Variants in CPED1 observed in about 807,000 individuals in gnomAD.
CPED1 encodes cadherin like and PC-esterase domain containing 1, also known as cadherin-like and PC-esterase domain-containing protein 1.
Under a neutral mutation model 128.2 loss-of-function variants are expected in CPED1, and 114 were observed. That is an observed-to-expected ratio of 0.89 (90% CI 0.76 to 1.04). The LOEUF is 1.04. CPED1 is among the 50% of genes least tolerant of loss of function. CPED1 has a pLI of 0.00. For synonymous variants in CPED1, 462 were observed against 426.7 expected, an observed-to-expected ratio of 1.08 and a Z score of -1.02; for missense variants, 1,211 against 1,207.1, an observed-to-expected ratio of 1.00 and a Z score of -0.05.
chr7:121,271,570 T>A lies in CPED1; in HGVS notation c.2868+140T>A, dbSNP rs548730196. On this transcript the variant is annotated intron_variant, in intron 22 of 22. Transcript: ENST00000310396. ...GAGATTAAATGATATATGTTCATCATCATTCAGCCAAGGCATGTAGTAACC... is the reference window on the plus strand; with the variant it reads ...GAGATTAAATGATATATGTTCATCAACATTCAGCCAAGGCATGTAGTAACC... The A allele has an allele frequency of 8.8e-5, 73 of 830,824 alleles. 3 individuals are homozygous for A. The South Asian group carries it at 1.3e-3, about 15-fold the overall frequency. The allele number at this position is 830,824 out of a possible 1,614,324, so 51.5% of individuals were successfully genotyped here.
intron 18 of CPED1, among the ~76,000 whole-genome samples, chr7:121,247,989 C>A (rs1798576328): frequency 1.3e-5 from 2 of 152,216 alleles, no homozygotes; most frequent in African/African-American, 4.8e-5. Flanking sequence ...GCCTCCACTG[C>A]ACAGCTGGAT....
At chr7:121,170,803 C>T (rs1584566389) in intron 16 of CPED1, among the ~76,000 whole-genome samples, 1 of 152,106 alleles carries the variant, frequency 6.6e-6, no homozygotes, top group Admixed American at 6.5e-5. Context: ...GTAATCCCAG[C>T]AGTTTGGGAG....
intron 16 of CPED1, among the ~76,000 whole-genome samples, chr7:121,218,870 A>C (rs1026964256): frequency 5.9e-5 from 9 of 152,148 alleles, no homozygotes; most frequent in African/African-American, 2.2e-4. Context: ...AAAATGACAA[A>C]AAAAGTTGTC....
chr7:121,037,082 G>A (rs1205461106), intron 3 of CPED1, among the ~76,000 whole-genome samples: 1 of 152,098 alleles, frequency 6.6e-6, no homozygotes, highest in Non-Finnish European at 1.5e-5. Context: ...CTTTCCCTCT[G>A]TGGATTGTCT....
rs147623389 is a variant in CPED1 at position 121,033,228 on chromosome 7, G to T, written c.434-13659G>T. On this transcript the variant is annotated intron_variant, in intron 3 of 22. Coordinates refer to ENST00000310396, the MANE Select transcript of CPED1 (RefSeq NM_024913.5). ...GTTAATATTTCTTCCTTCTGTAGGA[G>T]GAATGCCTGCTGAAGAAACATGAGG... Among the ~76,000 whole-genome samples the T allele has an allele frequency of 2.2e-4, 34 of 152,278 alleles. No individual in the cohort carries two copies. In the East Asian group the frequency reaches 6.6e-3, roughly 29 times the overall value.
chr7:121,205,469 T>C (rs1349381152), intron 16 of CPED1, among the ~76,000 whole-genome samples: 1 of 152,046 alleles, frequency 6.6e-6, no homozygotes, highest in Non-Finnish European at 1.5e-5. Flanking sequence ...TTATGTACTT[T>C]TGGTATTATC....
Position 121,124,375 on chromosome 7 carries a change from A to G in CPED1, c.963A>G (p.Gln321=), listed in dbSNP as rs147947186. The G allele has an allele frequency of 1.9e-6, 3 of 1,610,608 alleles. No individual in the cohort carries two copies. The highest frequency in any genetic ancestry group is 2.5e-6 in the Non-Finnish European group (3 of 1,177,948). Residue 321 remains glutamine, a synonymous_variant, in exon 8 of 23, where the codon CAA becomes CAG. Transcript: ENST00000310396. ...CATTCCTGAGAGCCAGTTCACCTCA[A>G]CAGGCTTTTGACATTATGAAGGAAG... The part of the protein sequence containing the change: ...FETFLRASSP[Q]QAFDIMKEAI...
At chr7:121,034,561 A>G (rs1792836947) in intron 3 of CPED1, among the ~76,000 whole-genome samples, 2 of 152,124 alleles carry the variant, frequency 1.3e-5, no homozygotes, top group Non-Finnish European at 1.5e-5. Flanking sequence ...CAAGTATTTT[A>G]TAAGTGACAC....
chr7:121,266,696 CT>C lies in CPED1; in HGVS notation c.2532-10del. On this transcript the variant is annotated splice_polypyrimidine_tract_variant and intron_variant, in intron 19 of 22. Transcript: ENST00000310396. ...AGGGCAACATGTGTTGTTTTTCTTT[CT>C]GAATTTCAGATCACGTCCCCTAGAG... 6.2e-7 allele frequency: 1 copy of C among 1,605,416 alleles called. No individual in the cohort carries two copies. The highest frequency in any genetic ancestry group is 8.5e-7 in the Non-Finnish European group (1 of 1,172,908).
chr7:121,130,036 T>A (rs1584534397), intron 11 of CPED1, 89 bp from the exon 12 acceptor site: 1 of 1,083,756 alleles, frequency 9.2e-7, no homozygotes, highest in African/African-American at 1.6e-5. Flanking sequence ...TCTGACTTTT[T>A]AAATAAATGA....
intron 16 of CPED1, among the ~76,000 whole-genome samples, chr7:121,220,217 C>A (rs552896594): frequency 3.3e-5 from 5 of 152,054 alleles, no homozygotes; most frequent in Middle Eastern, 3.4e-3. Context: ...TTAGAATGAG[C>A]CAAGCATGGA....
intron 4 of CPED1, among the ~76,000 whole-genome samples, chr7:121,049,760 C>T (rs1326059813): frequency 1.3e-5 from 2 of 152,134 alleles, no homozygotes; most frequent in Non-Finnish European, 2.9e-5. Flanking sequence ...GTTTTGTCTG[C>T]CTGGAATGCT....
intron 16 of CPED1, among the ~76,000 whole-genome samples, chr7:121,197,393 A>C (rs1797295459): frequency 1.3e-5 from 2 of 152,128 alleles, no homozygotes; most frequent in Non-Finnish European, 2.9e-5. Flanking sequence ...ATAACACCGA[A>C]TTACTTACAA....
At chr7:121,224,678 T>A (rs1797959479) in intron 16 of CPED1, among the ~76,000 whole-genome samples, 1 of 152,144 alleles carries the variant, frequency 6.6e-6, no homozygotes, top group African/African-American at 2.4e-5. Context: ...GATAGTTAGC[T>A]CTTCTTGTTG....
At chr7:121,194,873 A>G (rs573528513) in intron 16 of CPED1, 51 of 152,108 alleles carry the variant, frequency 3.4e-4, no homozygotes, top group Middle Eastern at 3.4e-3. Flanking sequence ...GGCTCAGGTG[A>G]TCCTCTTGCC....
intron 3 of CPED1, among the ~76,000 whole-genome samples, chr7:121,020,274 A>G (rs1025626314): frequency 7.9e-5 from 12 of 152,014 alleles, no homozygotes; most frequent in Admixed American, 6.6e-4. Flanking sequence ...GACCATATAG[A>G]TATCCTTGCC....
intron 5 of CPED1, among the ~76,000 whole-genome samples, chr7:121,066,407 A>G (rs1446795243): frequency 6.6e-6 from 1 of 152,138 alleles, no homozygotes; most frequent in Non-Finnish European, 1.5e-5. Flanking sequence ...GTGTGTATAT[A>G]TAACTTAATT....
intron 7 of CPED1, among the ~76,000 whole-genome samples, chr7:121,120,926 G>A (rs1795366534): frequency 7.1e-6 from 1 of 141,658 alleles, no homozygotes; most frequent in African/African-American, 2.6e-5. Context: ...TTAGCATTAG[G>A]CACTGAAATC....
chr7:121,290,762 C>G (rs1395757646), intron 22 of CPED1, among the ~76,000 whole-genome samples: 1 of 152,196 alleles, frequency 6.6e-6, no homozygotes, highest in East Asian at 1.9e-4. Context: ...TGTCTGTTCA[C>G]TCTGATGGTA....
Sources: gnomAD v4.1 joint callset for allele counts (sites outside exome capture counted in the v4.1 genomes callset) on GRCh38, gnomAD v4.1.1 for gene constraint, MANE v1.5 for transcripts, NCBI Gene and HGNC (gene_info 2026-07-23, HGNC 2026-07-21) for gene names.